The following PTPRB variants were observed in gnomAD, a reference collection of about 807,000 sequenced individuals.
The protein encoded by PTPRB is protein tyrosine phosphatase receptor type B.
A neutral mutation model predicts 238.1 loss-of-function variants in PTPRB; 97 were observed. The ratio of observed to expected loss-of-function variants is 0.41; its 90% CI spans 0.35 to 0.48. PTPRB has a LOEUF of 0.48. Among genes scored for constraint, PTPRB ranks in the 20% least tolerant of loss-of-function variants. The pLI is 0.30. For missense variants in PTPRB, 2,292 were observed against 2,681.9 expected (o/e 0.85, Z 3.21); for synonymous variants, 970 against 995.4 (o/e 0.97, Z 0.48).
At chr12:70,588,858 C>A (rs1019428674) in intron 8 of PTPRB, among the ~76,000 whole-genome samples, 11 of 152,108 alleles carry the variant, frequency 7.2e-5, no homozygotes, top group African/African-American at 2.7e-4. Flanking sequence ...GAGGCTGAGG[C>A]ACAAGAATTG....
chr12:70,529,824 A>G (rs1477702599), intron 32 of PTPRB, among the ~76,000 whole-genome samples: 3 of 152,158 alleles, frequency 2.0e-5, no homozygotes, highest in Admixed American at 6.5e-5. Flanking sequence ...TCAGCGCTGA[A>G]AGAGAGACAG....
chr12:70,607,154 A>G (rs912481755), intron 4 of PTPRB, among the ~76,000 whole-genome samples: 12 of 152,196 alleles, frequency 7.9e-5, no homozygotes, highest in African/African-American at 2.9e-4. Flanking sequence ...AACTAATTAC[A>G]CCCACAGTAA....
intron 3 of PTPRB, among the ~76,000 whole-genome samples, chr12:70,619,755 T>C (rs1412126555): frequency 6.6e-6 from 1 of 152,206 alleles, no homozygotes; most frequent in Non-Finnish European, 1.5e-5. Flanking sequence ...AGGAAAACAA[T>C]GGACACATAG....
At chr12:70,608,893 A>C (rs1273160858) in intron 4 of PTPRB, 176 bp downstream of exon 4, 16 of 930,002 alleles carry the variant, frequency 1.7e-5, no homozygotes, top group Non-Finnish European at 1.6e-6. Flanking sequence ...CTGAAAGTCC[A>C]CCAAGCTGCT....
chr12:70,562,174 C>T (rs1432464941), intron 16 of PTPRB, among the ~76,000 whole-genome samples: 1 of 152,154 alleles, frequency 6.6e-6, no homozygotes, highest in East Asian at 1.9e-4. Flanking sequence ...GTCCCAGCTA[C>T]TCGGGAGGCT....
intron 32 of PTPRB, among the ~76,000 whole-genome samples, chr12:70,531,156 G>A (rs1380343190): frequency 6.6e-6 from 1 of 152,206 alleles, no homozygotes; most frequent in Non-Finnish European, 1.5e-5. Flanking sequence ...GTGGTTTTGG[G>A]ATTAGTGGGT....
chr12:70,547,792 C>A (rs1333874772), intron 21 of PTPRB, among the ~76,000 whole-genome samples: 1 of 152,094 alleles, frequency 6.6e-6, no homozygotes, highest in African/African-American at 2.4e-5. Flanking sequence ...CAAGTGTGAG[C>A]CATCGCGCCC....
rs545638673 is a variant in PTPRB at position 70,634,667 on chromosome 12, G to A, written c.451+1004C>T. Among the ~76,000 whole-genome samples, 83 of 152,300 alleles carry A rather than the reference G, an allele frequency of 5.4e-4. 2 individuals are homozygous for A. In the South Asian group the frequency reaches 0.014, roughly 25 times the overall value. On this transcript the variant is annotated intron_variant, in intron 2 of 33. Transcript: ENST00000334414. The stretch of plus-strand genomic sequence containing the variant: ...AGCCATGGGGCAAGTCTGTGGTCAA[G>A]CATTTGGGAACCTCTGGTATAGTAA...
intron 4 of PTPRB, among the ~76,000 whole-genome samples, chr12:70,606,784 A>G (rs1233954937): frequency 6.6e-6 from 1 of 152,240 alleles, no homozygotes. Context: ...AACTACTGAC[A>G]AATAAATAAC....
chr12:70,628,789 T>C (rs921388725), intron 2 of PTPRB, among the ~76,000 whole-genome samples: 2 of 152,126 alleles, frequency 1.3e-5, no homozygotes, highest in Non-Finnish European at 2.9e-5. Context: ...GGTCTTGAAC[T>C]CCTGGCATCA....
intron 1 of PTPRB, among the ~76,000 whole-genome samples, chr12:70,636,986 C>G (rs1055819697): frequency 1.3e-5 from 2 of 152,070 alleles, no homozygotes; most frequent in African/African-American, 4.8e-5. Flanking sequence ...CTTTCTTCAA[C>G]ACAAAAGAAA....
rs147545094 is a variant in PTPRB, at chr12:70,516,907, T to C, written c.*4582A>G. 3 of 152,338 alleles carry C rather than the reference T, an allele frequency of 2.0e-5. No individual in the cohort carries two copies. The highest frequency in any genetic ancestry group is 4.8e-5 in the African/African-American group (2 of 41,596). The allele number at this position is 152,338 out of a possible 1,614,324, so 9.4% of individuals were successfully genotyped here. The stretch of plus-strand genomic sequence containing the variant: ...TAATAAGTGTATCTTATATAGACAA[T>C]CTTTTAAAAAATAAAATGCCTTATT... On this transcript the variant is annotated 3_prime_UTR_variant, in exon 34 of 34. Coordinates refer to ENST00000334414, the MANE Select transcript of PTPRB (RefSeq NM_001109754.4).
chr12:70,537,222 G>A (rs1354509239), intron 28 of PTPRB, among the ~76,000 whole-genome samples: 1 of 150,438 alleles, frequency 6.6e-6, no homozygotes, highest in Non-Finnish European at 1.5e-5. Flanking sequence ...GGGAGGCGGA[G>A]CTTGCAGTGA....
Position 70,635,835 on chromosome 12 carries a change from T to G in PTPRB, c.287A>C (p.Tyr96Ser). ...CACCTCAAGGAAGCCTTCCTGATCA[T>G]AGCAGGTCCATCGGGGTGCCTGGGA... ...RCSQAPRWTC[Y>S]DQEGFLEVEN... Residue 96 changes from tyrosine (Y) to serine (S), a missense_variant, in exon 2 of 34, where the codon TAT (tyrosine) becomes TCT (serine). Tyr to Ser is a moderately radical substitution (Grantham distance 144, BLOSUM62 -2). This residue lies in a region of PTPRB where 1,205 missense variants were observed against 1,287.8 expected (regional missense o/e 0.94). Coordinates refer to ENST00000334414, the MANE Select transcript of PTPRB (RefSeq NM_001109754.4). 1.2e-6 allele frequency: 2 copies of G among 1,613,618 alleles called. No individual in the cohort carries two copies. Among genetic ancestry groups the G allele is most frequent in the Non-Finnish European group, 1.7e-6 (2 of 1,179,768 alleles).
intron 4 of PTPRB, 75 bp from the exon 5 acceptor site, chr12:70,596,402 A>T: frequency 7.8e-7 from 1 of 1,284,924 alleles, no homozygotes; most frequent in African/African-American, 1.5e-5. Flanking sequence ...TGGCTTGAAG[A>T]CTTTTGCAAA....
In PTPRB at chr12:70,538,202, C is replaced by T. The variant is rs1454236792; in HGVS notation, c.5899G>A (p.Val1967Ile). The T allele has an allele frequency of 1.9e-6, 3 of 1,613,728 alleles. No individual in the cohort carries two copies. The highest frequency in any genetic ancestry group is 2.5e-6 in the Non-Finnish European group (3 of 1,179,782). The part of the protein sequence containing the change: ...YDATRVKLSN[V>I]DDDPCSDYIN... ...TAGTCAGAGCAAGGATCATCATCTACATTGGAGAGCTTCACTCGCGTGGCA... is the reference window on the plus strand; with the variant it reads ...TAGTCAGAGCAAGGATCATCATCTATATTGGAGAGCTTCACTCGCGTGGCA... Residue 1967 changes from valine (V) to isoleucine (I), a missense_variant, in exon 28 of 34, where the codon GTA becomes ATA. By Grantham distance (29) the Val-to-Ile change is conservative. Coordinates refer to ENST00000334414, the MANE Select transcript of PTPRB (RefSeq NM_001109754.4).
In PTPRB at chr12:70,566,663, T is replaced by A; in HGVS notation, c.3676A>T (p.Ser1226Cys). The change falls in exon 15 of 34, where the codon AGC (serine) becomes TGC (cysteine). Residue 1226 changes from serine to cysteine, a missense_variant. Physicochemically the swap from Ser to Cys is moderately radical, Grantham distance 112 (BLOSUM62 -1). Around this residue, in one of 4 missense-constraint regions of PTPRB, gnomAD observed 683 missense variants for 862.0 expected, o/e 0.79. Transcript: ENST00000334414. ...VQGVIADNAY[S>C]SYSLIVSWQK... ...CAACTTACTATTAAGGAATAACTGC[T>A]GTATGCATTGTCTGCAATTACTCCT... The A allele has an allele frequency of 6.2e-7, 1 of 1,614,048 alleles. No homozygotes were observed. Among genetic ancestry groups the A allele is most frequent in the Non-Finnish European group, 8.5e-7 (1 of 1,179,888 alleles).
intron 32 of PTPRB, chr12:70,525,465 G>A (rs1028469183): frequency 6.6e-6 from 1 of 152,234 alleles, no homozygotes; most frequent in African/African-American, 2.4e-5. Flanking sequence ...CAGCATCTGG[G>A]TCTGCCACGT....
chr12:70,542,630 G>C (rs1448716343), intron 22 of PTPRB: 3 of 150,526 alleles, frequency 2.0e-5, no homozygotes, highest in African/African-American at 7.4e-5. Flanking sequence ...GCTTACGCCT[G>C]TAATCCCAGC....
Sources: allele counts gnomAD v4.1 joint callset (sites outside exome capture counted in the v4.1 genomes callset), GRCh38; gene constraint gnomAD v4.1.1; regional missense constraint gnomAD v4.1.1; transcripts MANE v1.5; gene names NCBI Gene and HGNC (gene_info 2026-07-23, HGNC 2026-07-21).